SENP6: variants seen among roughly 807,000 people sequenced by gnomAD.
The protein encoded by SENP6 is sentrin-specific protease 6.
SENP6 carries 41 observed loss-of-function variants against 134.5 expected under a neutral mutation model. The observed-to-expected ratio is 0.30, with a 90% CI of 0.24 to 0.40. The LOEUF (loss-of-function observed/expected upper bound fraction) is 0.40. Among genes scored for constraint, SENP6 ranks in the 10% least tolerant of loss-of-function variants. SENP6 has a pLI of 1.00. For missense variants in SENP6, 1,248 were observed against 1,312.5 expected (o/e 0.95, Z 0.76); for synonymous variants, 395 against 429.8 (o/e 0.92, Z 1.00).
At chr6:75,604,217 C>T (rs1766850424) in intron 1 of SENP6, among the ~76,000 whole-genome samples, 1 of 152,200 alleles carries the variant, frequency 6.6e-6, no homozygotes, top group Admixed American at 6.5e-5. Flanking sequence ...TTTCAAACTA[C>T]TACTTTTACT....
chr6:75,688,168 G>A (rs558778486), intron 16 of SENP6, among the ~76,000 whole-genome samples: 30 of 152,372 alleles, frequency 2.0e-4, no homozygotes, highest in Admixed American at 1.3e-4. Context: ...TGCTAGCAGT[G>A]AGCAAGGCTC....
intron 14 of SENP6, chr6:75,678,041 CT>C (rs891618027): frequency 6.6e-6 from 1 of 152,374 alleles, no homozygotes; most frequent in African/African-American, 2.4e-5. Context: ...GGAAATGGTT[CT>C]TTTTCTTTTG....
intron 6 of SENP6, 104 bp from the exon 7 acceptor site, chr6:75,647,627 C>A: frequency 3.4e-6 from 2 of 589,376 alleles, no homozygotes; most frequent in Non-Finnish European, 5.9e-6. Context: ...GGCAAAGAAG[C>A]TATGATTTGC....
intron 8 of SENP6, among the ~76,000 whole-genome samples, chr6:75,662,426 T>C (rs949910888): frequency 6.6e-6 from 1 of 152,174 alleles, no homozygotes; most frequent in Non-Finnish European, 1.5e-5. Flanking sequence ...TGAGCCACCA[T>C]GTCCAGGTTT....
chr6:75,666,129 A>G (rs1311391721), intron 9 of SENP6, among the ~76,000 whole-genome samples: 1 of 138,340 alleles, frequency 7.2e-6, no homozygotes, highest in African/African-American at 2.6e-5. Context: ...TATATATAAA[A>G]CGTATATATG....
At chr6:75,602,777 G>A (rs935023584) in intron 1 of SENP6, among the ~76,000 whole-genome samples, 11 of 152,220 alleles carry the variant, frequency 7.2e-5, no homozygotes, top group Non-Finnish European at 1.3e-4. Flanking sequence ...GCTGCGAGCC[G>A]GTTCGGCCCA....
At chr6:75,684,985 C>T (rs988883333) in intron 16 of SENP6, among the ~76,000 whole-genome samples, 7 of 152,144 alleles carry the variant, frequency 4.6e-5, no homozygotes, top group African/African-American at 1.7e-4. Flanking sequence ...ACCAGCTCCT[C>T]CTTGTACCTC....
intron 7 of SENP6, among the ~76,000 whole-genome samples, chr6:75,658,989 A>AAG (rs1216782672): frequency 1.3e-5 from 2 of 150,012 alleles, no homozygotes; most frequent in African/African-American, 4.9e-5. Context: ...AAAAAAAAAA[A>AAG]AAAAAAAAAA....
intron 10 of SENP6, among the ~76,000 whole-genome samples, chr6:75,667,808 A>G (rs1244570448): frequency 6.6e-6 from 1 of 152,218 alleles, no homozygotes. Flanking sequence ...TAATATGGAT[A>G]TGGCTGAAAA....
At chr6:75,698,763 C>T (rs1341310840) in intron 18 of SENP6, among the ~76,000 whole-genome samples, 7 of 152,152 alleles carry the variant, frequency 4.6e-5, no homozygotes, top group Non-Finnish European at 7.4e-5. Flanking sequence ...GTAATCCCAA[C>T]ACTTTGAGAG....
Position 75,678,595 on chromosome 6 carries a change from T to A in SENP6, c.1861T>A (p.Ser621Thr). Residue 621 changes from serine to threonine, a missense_variant, in exon 15 of 24, where the codon TCT (serine) becomes ACT (threonine). Ser to Thr is a moderately conservative substitution (Grantham distance 58). Around this residue, in one of 3 missense-constraint regions of SENP6, gnomAD observed 129 missense variants for 192.0 expected, o/e 0.67. Transcript: ENST00000447266. ...TTTCCTTTACCAGGTATCATTTGAA[T>A]CTAAAATACAACTTAGAAGCAAACA... Reference protein sequence around the residue: ...ENKIKTVSFESKIQLRSKQEF... With the variant: ...ENKIKTVSFETKIQLRSKQEF... 9 of 1,509,192 alleles carry A rather than the reference T, an allele frequency of 6.0e-6. No individual in the cohort carries two copies. Among genetic ancestry groups the A allele is most frequent in the Non-Finnish European group, 8.2e-6 (9 of 1,097,190 alleles). The allele number at this position is 1,509,192 out of a possible 1,614,324, so 93.5% of individuals were successfully genotyped here.
chr6:75,668,454 G>A (rs1375232667), intron 10 of SENP6, among the ~76,000 whole-genome samples: 1 of 151,900 alleles, frequency 6.6e-6, no homozygotes, highest in Non-Finnish European at 1.5e-5. Context: ...AGAAATAGAG[G>A]CAAACCATAG....
At position 75,702,820 on chromosome 6, in the gene SENP6, C is replaced by A; in HGVS notation, c.2464C>A (p.Pro822Thr). The A allele has an allele frequency of 4.3e-6, 7 of 1,614,016 alleles. No homozygotes were observed. In the South Asian group the frequency reaches 4.4e-5, roughly 10 times the overall value. The change falls in exon 19 of 24, where the codon CCT becomes ACT. Residue 822 changes from proline to threonine, a missense_variant. Physicochemically the swap from Pro to Thr is conservative, Grantham distance 38. This residue lies in a region of SENP6 where 386 missense variants were observed against 395.0 expected (regional missense o/e 0.98). Coordinates refer to ENST00000447266, the MANE Select transcript of SENP6 (RefSeq NM_015571.4). ...TTGTTCACAAAACTCTTCTGCCAAG[C>A]CTGTAATTAAGAAGATGCTAAACAA... Reference protein sequence around the residue: ...ESCSQNSSAKPVIKKMLNKKH... With the variant: ...ESCSQNSSAKTVIKKMLNKKH...
chr6:75,648,102 T>C (rs1403310057), intron 7 of SENP6, among the ~76,000 whole-genome samples: 4 of 152,198 alleles, frequency 2.6e-5, no homozygotes, highest in African/African-American at 9.6e-5. Context: ...TTTATTGAAC[T>C]ATGTTATAAT....
chr6:75,709,610 T>C lies in SENP6; in HGVS notation c.2800T>C (p.Ser934Pro). 1.2e-6 allele frequency: 2 copies of C among 1,613,462 alleles called. No individual in the cohort carries two copies. Among genetic ancestry groups the C allele is most frequent in the South Asian group, 1.1e-5 (1 of 91,066 alleles). ...GCTTGAAGATGAACTCGTCGACTTC[T>C]CAGAAGATCAGGATAACCAGGTAAA... The part of the protein sequence containing the change: ...KMLEDELVDF[S>P]EDQDNQDDSS... Residue 934 changes from serine to proline, a missense_variant, in exon 20 of 24, where the codon TCA (serine) becomes CCA (proline). Coordinates refer to ENST00000447266, the MANE Select transcript of SENP6 (RefSeq NM_015571.4).
At chr6:75,638,804 TCCCAGCA>T (rs1204858535) in intron 5 of SENP6, among the ~76,000 whole-genome samples, 2 of 151,548 alleles carry the variant, frequency 1.3e-5, no homozygotes, top group African/African-American at 4.9e-5. Context: ...AGACCTGTAA[TCCCAGCA>T]CTTTGGGAGG....
At chr6:75,604,029 T>C (rs946300806) in intron 1 of SENP6, among the ~76,000 whole-genome samples, 1 of 152,146 alleles carries the variant, frequency 6.6e-6, no homozygotes, top group African/African-American at 2.4e-5. Context: ...GTTTTGAAAT[T>C]GGAAACAAAA....
At chr6:75,643,768 T>C (rs1047262435) in intron 6 of SENP6, among the ~76,000 whole-genome samples, 1 of 152,158 alleles carries the variant, frequency 6.6e-6, no homozygotes, top group Non-Finnish European at 1.5e-5. Context: ...TTAATACATC[T>C]TGAAAATTAA....
At position 75,715,710 on chromosome 6, in the gene SENP6, G is replaced by A; in HGVS notation, c.*116G>A. On this transcript the variant is annotated 3_prime_UTR_variant, in exon 24 of 24. Transcript: ENST00000447266. ...CAGTGATTTGGAAATTTTGATGCTTGTATAAATGTCAGATAATTAATTTCC... is the reference window on the plus strand; with the variant it reads ...CAGTGATTTGGAAATTTTGATGCTTATATAAATGTCAGATAATTAATTTCC... 1 of 674,624 alleles carries A rather than the reference G, an allele frequency of 1.5e-6. No individual in the cohort carries two copies. Among genetic ancestry groups the A allele is most frequent in the Non-Finnish European group, 2.4e-6 (1 of 412,634 alleles). 41.8% of individuals were successfully genotyped at this position (674,624 alleles called of 1,614,324 possible).
Sources: gnomAD v4.1 joint callset for allele counts (sites outside exome capture counted in the v4.1 genomes callset) on GRCh38, gnomAD v4.1.1 for gene constraint, gnomAD v4.1.1 regional missense constraint, MANE v1.5 for transcripts, NCBI Gene and HGNC (gene_info 2026-07-23, HGNC 2026-07-21) for gene names.